EPS8: variants seen among roughly 807,000 people sequenced by gnomAD.
The protein encoded by EPS8 is EGFR pathway substrate 8, signaling adaptor, also known as epidermal growth factor receptor kinase substrate 8.
Under a neutral mutation model 103.8 loss-of-function variants are expected in EPS8, and 42 were observed. The observed-to-expected ratio is 0.40, with a 90% CI of 0.32 to 0.52. The LOEUF (loss-of-function observed/expected upper bound fraction) is 0.52, where lower values mean the gene tolerates loss of function less well. Among genes scored for constraint, EPS8 ranks in the 20% least tolerant of loss-of-function variants. The pLI, the probability that EPS8 is intolerant of heterozygous loss-of-function variation, is 0.40. For synonymous variants in EPS8, 344 were observed against 344.6 expected (o/e 1.00, Z 0.02); for missense variants, 969 against 1,005.1 (o/e 0.96, Z 0.49).
At position 15,749,334 on chromosome 12, in the gene EPS8, C is replaced by T. The variant is rs1946907486; in HGVS notation, c.-22+39827G>A. 1.3e-5 allele frequency among the ~76,000 whole-genome samples: 2 copies of T among 152,032 alleles called. No homozygotes were observed. The highest frequency in any genetic ancestry group is 1.5e-5 in the Non-Finnish European group (1 of 67,998). On this transcript the variant is annotated intron_variant, in intron 1 of 20. Transcript: ENST00000281172. The surrounding 1 kb of genome is among the most constrained non-coding windows in gnomAD (Gnocchi z 4.0). ...TCATGCATTATAATTTATTGAAATT[C>T]TTATTTGCTTGTCTATCACTTACCC... is the stretch of plus-strand genomic sequence containing the variant.
rs137933447 is a variant in EPS8 at position 15,644,363 on chromosome 12, C to T, written c.1569-2533G>A. Among the ~76,000 whole-genome samples the T allele has an allele frequency of 1.2e-3, 179 of 152,208 alleles. 1 individual carries two copies. The highest frequency in any genetic ancestry group is 4.2e-3 in the African/African-American group (175 of 41,508). On this transcript the variant is annotated intron_variant, in intron 15 of 20. Transcript: ENST00000281172. ...ATCTGCTGTGATTCTGGGGGCTGCC[C>T]AATTCATGTGCCACTTTTTTTTCCC...
chr12:15,662,357 C>T, intron 8 of EPS8: 1 of 1,184,526 alleles, frequency 8.4e-7, no homozygotes. Flanking sequence ...ACCCCATTCT[C>T]TCTCTTCCCT....
rs1946683154 is a variant in EPS8 at position 15,728,895 on chromosome 12, T to C, written c.-21-45923A>G. Among the ~76,000 whole-genome samples the C allele has an allele frequency of 6.6e-6, 1 of 152,160 alleles. No homozygotes were observed. The highest frequency in any genetic ancestry group is 1.5e-5 in the Non-Finnish European group (1 of 68,026). ...GCCACAGACTAGCAGAAAATATTTG[T>C]AAATCCATCTTTTTTAAAAACATTT... is the stretch of plus-strand genomic sequence containing the variant. On this transcript the variant is annotated intron_variant, in intron 1 of 20. Coordinates refer to ENST00000281172, the MANE Select transcript of EPS8 (RefSeq NM_004447.6). The surrounding 1 kb of genome is among the most constrained non-coding windows in gnomAD (Gnocchi z 4.5).
At chr12:15,624,157 C>T (rs751693902) in intron 19 of EPS8, 70 bp downstream of exon 19, 1 of 1,261,726 alleles carries the variant, frequency 7.9e-7, no homozygotes, top group East Asian at 2.4e-5. Flanking sequence ...TCTGTGACAT[C>T]TAACTAAGCA....
At chr12:15,665,720 A>C (rs1945696042) in intron 8 of EPS8, 36 bp downstream of exon 8, 1 of 1,609,682 alleles carries the variant, frequency 6.2e-7, no homozygotes, top group Non-Finnish European at 8.5e-7. Context: ...AACCCAAAGT[A>C]AGTGTTCAAT....
At chr12:15,679,393 A>G (rs1945965750) in intron 3 of EPS8, among the ~76,000 whole-genome samples, 1 of 152,140 alleles carries the variant, frequency 6.6e-6, no homozygotes, top group Non-Finnish European at 1.5e-5. Context: ...GTTAACACCA[A>G]ATTGCTTGCA....
At chr12:15,641,171 T>C (rs996692481) in intron 16 of EPS8, among the ~76,000 whole-genome samples, 1 of 152,184 alleles carries the variant, frequency 6.6e-6, no homozygotes, top group Non-Finnish European at 1.5e-5. Flanking sequence ...TGTCTCCATT[T>C]TGGTGATAGA....
intron 1 of EPS8, among the ~76,000 whole-genome samples, chr12:15,705,909 C>G (rs1297443016): frequency 6.6e-6 from 1 of 152,124 alleles, no homozygotes; most frequent in East Asian, 1.9e-4. Context: ...ATATCATTAA[C>G]TAAAGTTCAC....
intron 15 of EPS8, among the ~76,000 whole-genome samples, chr12:15,645,257 A>G (rs941794579): frequency 6.6e-6 from 1 of 152,130 alleles, no homozygotes; most frequent in African/African-American, 2.4e-5. Context: ...TTTAGGAGTA[A>G]GAAAAGCATT....
At chr12:15,651,362 C>T (rs1591820853) in intron 13 of EPS8, among the ~76,000 whole-genome samples, 1 of 152,124 alleles carries the variant, frequency 6.6e-6, no homozygotes, top group South Asian at 2.1e-4. Context: ...ATTTAGAGCA[C>T]AAACTTCTCT....
chr12:15,713,193 A>G lies in EPS8; in HGVS notation c.-21-30221T>C, dbSNP rs1946490243. 1 of 157,034 alleles carries G rather than the reference A, an allele frequency of 6.4e-6. No individual in the cohort carries two copies. Among genetic ancestry groups the G allele is most frequent in the South Asian group, 2.0e-4 (1 of 4,926 alleles). 9.7% of individuals were successfully genotyped at this position (157,034 alleles called of 1,614,324 possible). A position where few individuals can be genotyped will look rare whatever the true frequency, so the allele number is the denominator to read the frequency against. On this transcript the variant is annotated intron_variant, in intron 1 of 20. Coordinates refer to ENST00000281172, the MANE Select transcript of EPS8 (RefSeq NM_004447.6). This position sits in a 1 kb window ranked among gnomAD's most constrained non-coding sequence, Gnocchi z 4.8. ...ACTGTGTGGTCTAAATTAACGCTAT[A>G]TACACAGACACCATTATTACTCCCA... is the stretch of plus-strand genomic sequence containing the variant.
In EPS8 at chr12:15,701,226, CGTT is replaced by C. The variant is rs1433188304; in HGVS notation, c.-21-18257_-21-18255del. Among the ~76,000 whole-genome samples, 6 of 152,216 alleles carry C rather than the reference CGTT, an allele frequency of 3.9e-5. No homozygotes were observed. Among genetic ancestry groups the C allele is most frequent in the South Asian group, 2.1e-4 (1 of 4,820 alleles). On this transcript the variant is annotated intron_variant, in intron 1 of 20. Coordinates refer to ENST00000281172, the MANE Select transcript of EPS8 (RefSeq NM_004447.6). The surrounding 1 kb of genome is among the most constrained non-coding windows in gnomAD (Gnocchi z 5.1). ...TTATTAAATCCATATATGTGTCAAA[CGTT>C]GTTGTAAGTTCTTTGCATGCATTAA...
At position 15,698,041 on chromosome 12, in the gene EPS8, C is replaced by T. The variant is rs935118964; in HGVS notation, c.-21-15069G>A. 6.6e-6 allele frequency among the ~76,000 whole-genome samples: 1 copy of T among 152,090 alleles called. No individual in the cohort carries two copies. Among genetic ancestry groups the T allele is most frequent in the African/African-American group, 2.4e-5 (1 of 41,408 alleles). ...GCTATCAATAAAACTAGAATTGACA[C>T]TCTTATATCCAACTTTGAGGCAACA... On this transcript the variant is annotated intron_variant, in intron 1 of 20. Transcript: ENST00000281172. The surrounding 1 kb of genome is among the most constrained non-coding windows in gnomAD (Gnocchi z 4.9).
chr12:15,660,817 G>A (rs978625830), intron 9 of EPS8, 77 bp from the exon 10 acceptor site: 24 of 854,916 alleles, frequency 2.8e-5, no homozygotes, highest in Non-Finnish European at 3.6e-5. Context: ...GTAAATAATA[G>A]AAAGGTTTTT....
intron 1 of EPS8, among the ~76,000 whole-genome samples, chr12:15,741,315 T>C (rs542431043): frequency 1.3e-5 from 2 of 152,290 alleles, no homozygotes; most frequent in East Asian, 3.9e-4. Flanking sequence ...GGACAGAAAC[T>C]GGGTTGCAGA....
At chr12:15,643,411 AACAG>A (rs1166254021) in intron 15 of EPS8, among the ~76,000 whole-genome samples, 1 of 152,124 alleles carries the variant, frequency 6.6e-6, no homozygotes, top group East Asian at 1.9e-4. Flanking sequence ...ATAGTTATCA[AACAG>A]ACAATCACAA....
intron 1 of EPS8, among the ~76,000 whole-genome samples, chr12:15,715,801 T>G (rs1359132724): frequency 1.3e-5 from 2 of 151,848 alleles, no homozygotes; most frequent in African/African-American, 4.8e-5. Flanking sequence ...CAAGAACACT[T>G]TCTAATAAAC....
Position 15,623,393 on chromosome 12 carries a change from C to T in EPS8, c.2226-106G>A, listed in dbSNP as rs80122380. The stretch of plus-strand genomic sequence containing the variant: ...AGTAACTTCTCTTTTCTAAGCGTTC[C>T]ATACCCTGGAACCCTTATTAAATGC... On this transcript the variant is annotated intron_variant, in intron 19 of 20. Coordinates refer to ENST00000281172, the MANE Select transcript of EPS8 (RefSeq NM_004447.6). The T allele has an allele frequency of 4.0e-3, 4,038 of 1,019,862 alleles. 44 individuals are homozygous for T. Among genetic ancestry groups the T allele is most frequent in the Middle Eastern group, 0.027 (103 of 3,768 alleles). 63.2% of individuals were successfully genotyped at this position (1,019,862 alleles called of 1,614,324 possible).
At chr12:15,709,528 T>C (rs969822782) in intron 1 of EPS8, among the ~76,000 whole-genome samples, 5 of 152,370 alleles carry the variant, frequency 3.3e-5, no homozygotes, top group African/African-American at 7.2e-5. Flanking sequence ...ACACTGGACA[T>C]TGAATTTCAT....
Sources: gnomAD v4.1 joint callset for allele counts (sites outside exome capture counted in the v4.1 genomes callset) on GRCh38, gnomAD v4.1.1 for gene constraint, Gnocchi (gnomAD v3.1) non-coding constraint, MANE v1.5 for transcripts, NCBI Gene and HGNC (gene_info 2026-07-23, HGNC 2026-07-21) for gene names.